NR3C2: variants seen among roughly 807,000 people sequenced by gnomAD.
NR3C2 encodes nuclear receptor subfamily 3 group C member 2.
A neutral mutation model predicts 86.4 loss-of-function variants in NR3C2; 15 were observed. That is an observed-to-expected ratio of 0.17 (90% CI 0.12 to 0.27). NR3C2 has a LOEUF of 0.27. Among genes scored for constraint, NR3C2 ranks in the 10% least tolerant of loss-of-function variants. The pLI, the probability that NR3C2 is intolerant of heterozygous loss-of-function variation, is 1.00. For synonymous variants in NR3C2, 458 were observed against 450.5 expected (o/e 1.02, Z -0.21); for missense variants, 960 against 1,195.6 (o/e 0.80, Z 2.91).
intron 8 of NR3C2, among the ~76,000 whole-genome samples, chr4:148,102,228 C>T (rs1022777848): frequency 2.0e-5 from 3 of 152,176 alleles, no homozygotes; most frequent in African/African-American, 7.2e-5. Context: ...GACCCTCTTC[C>T]GTTCTGTGCC....
rs1375693723 is a variant in NR3C2, at chr4:148,363,504, C to CTTTTTTTTTTTTTTTT, written c.1757+71599_1757+71600insAAAAAAAAAAAAAAAA. On this transcript the variant is annotated intron_variant, in intron 2 of 8. Transcript: ENST00000358102. ...ATTAAAGTCTAGACTTCTCATAGATCTCTTTTTTTTTTTTTTTGAGACGGA... is the reference window on the plus strand; with the variant it reads ...ATTAAAGTCTAGACTTCTCATAGATCTTTTTTTTTTTTTTTTTCTTTTTTTTTTTTTTTGAGACGGA... Among the ~76,000 whole-genome samples, 532 of 69,706 alleles carry CTTTTTTTTTTTTTTTT rather than the reference C, an allele frequency of 7.6e-3. 119 individuals are homozygous for CTTTTTTTTTTTTTTTT. The highest frequency in any genetic ancestry group is 9.7e-3 in the Non-Finnish European group (384 of 39,446). The allele number at this position is 69,706 out of a possible 152,430, so 45.7% of individuals were successfully genotyped here.
intron 6 of NR3C2, among the ~76,000 whole-genome samples, chr4:148,139,030 T>A (rs1273925792): frequency 6.6e-6 from 1 of 152,236 alleles, no homozygotes; most frequent in African/African-American, 2.4e-5. Context: ...GATCTTAGGC[T>A]TCTCAGCCTC....
chr4:148,374,354 C>T (rs925895262), intron 2 of NR3C2, among the ~76,000 whole-genome samples: 1 of 152,134 alleles, frequency 6.6e-6, no homozygotes, highest in Non-Finnish European at 1.5e-5. Context: ...CTAGACTCTT[C>T]ACATTGGAAG....
intron 4 of NR3C2, among the ~76,000 whole-genome samples, chr4:148,156,984 G>T (rs575190240): frequency 1.3e-5 from 2 of 151,988 alleles, no homozygotes; most frequent in African/African-American, 4.8e-5. Flanking sequence ...CATAAAAAAG[G>T]ATGAGTTCAT....
At chr4:148,429,022 C>A (rs932343762) in intron 2 of NR3C2, among the ~76,000 whole-genome samples, 1 of 152,174 alleles carries the variant, frequency 6.6e-6, no homozygotes, top group East Asian at 1.9e-4. Context: ...CAGCCCACCA[C>A]GCGGCTCAAC....
intron 2 of NR3C2, among the ~76,000 whole-genome samples, chr4:148,364,480 A>T (rs1278987873): frequency 6.6e-6 from 1 of 152,352 alleles, no homozygotes; most frequent in African/African-American, 2.4e-5. Context: ...GAAGTTCCCT[A>T]TAAAGAGTAA....
intron 3 of NR3C2, among the ~76,000 whole-genome samples, chr4:148,209,312 C>A (rs1737166918): frequency 6.6e-6 from 1 of 152,080 alleles, no homozygotes; most frequent in African/African-American, 2.4e-5. Flanking sequence ...GTTGCCCAGG[C>A]TGGAATGCAG....
At chr4:148,121,183 C>T (rs1403143) in intron 6 of NR3C2, among the ~76,000 whole-genome samples, 74,668 of 151,952 alleles carry the variant, frequency 0.49, 18,884 homozygotes, top group East Asian at 0.71. Context: ...AAACAGAAAA[C>T]GAGGTCTGGA....
At chr4:148,417,772 T>C (rs996328814) in intron 2 of NR3C2, among the ~76,000 whole-genome samples, 13 of 152,352 alleles carry the variant, frequency 8.5e-5, no homozygotes, top group Non-Finnish European at 1.0e-4. Context: ...AGATTTTTCA[T>C]AGCTGATTTA....
At position 148,181,616 on chromosome 4, in the gene NR3C2, G is replaced by A. The variant is rs549166477; in HGVS notation, c.2014+13130C>T. 3.3e-4 allele frequency among the ~76,000 whole-genome samples: 50 copies of A among 152,288 alleles called. 1 individual carries two copies. The highest frequency in any genetic ancestry group is 1.2e-3 in the African/African-American group (49 of 41,574). ...AAAAGTGAAGTGAATTAATTCCTTT[G>A]AAAAAAGCTACACAAAGCAGAAAAT... On this transcript the variant is annotated intron_variant, in intron 4 of 8. Transcript: ENST00000358102.
At chr4:148,322,142 T>C (rs1211707367) in intron 2 of NR3C2, among the ~76,000 whole-genome samples, 40 of 149,562 alleles carry the variant, frequency 2.7e-4, no homozygotes, top group Admixed American at 2.0e-4. Context: ...TTATGAAGCT[T>C]AGTTTGGCTG....
At chr4:148,357,385 A>G (rs1745599224) in intron 2 of NR3C2, among the ~76,000 whole-genome samples, 1 of 152,146 alleles carries the variant, frequency 6.6e-6, no homozygotes, top group Non-Finnish European at 1.5e-5. Flanking sequence ...CATCATTATC[A>G]TCCTCTGTAG....
At chr4:148,136,600 A>G (rs1272623128) in intron 6 of NR3C2, among the ~76,000 whole-genome samples, 1 of 151,932 alleles carries the variant, frequency 6.6e-6, no homozygotes, top group Non-Finnish European at 1.5e-5. Context: ...TTCAAGCTAC[A>G]CAGTTTTGCC....
chr4:148,160,875 G>T (rs754945077), intron 4 of NR3C2, among the ~76,000 whole-genome samples: 70 of 152,158 alleles, frequency 4.6e-4, no homozygotes, highest in Non-Finnish European at 8.7e-4. Flanking sequence ...AACCCTAATT[G>T]TTCTTTCCTC....
At chr4:148,392,481 T>C (rs996859482) in intron 2 of NR3C2, among the ~76,000 whole-genome samples, 3 of 152,214 alleles carry the variant, frequency 2.0e-5, no homozygotes, top group African/African-American at 7.2e-5. Flanking sequence ...TCTTAGGGCA[T>C]TTGCACTGCA....
chr4:148,249,124 A>T (rs533564454), intron 3 of NR3C2, among the ~76,000 whole-genome samples: 1 of 152,346 alleles, frequency 6.6e-6, no homozygotes, highest in South Asian at 2.1e-4. Flanking sequence ...AAACTCTCAA[A>T]GCAAGGGTTC....
At chr4:148,430,946 T>A (rs1252547041) in intron 2 of NR3C2, among the ~76,000 whole-genome samples, 2 of 152,180 alleles carry the variant, frequency 1.3e-5, no homozygotes, top group Non-Finnish European at 2.9e-5. Flanking sequence ...AAATCCTAAT[T>A]ACTGTTCTTG....
At chr4:148,342,024 C>T (rs1292201826) in intron 2 of NR3C2, among the ~76,000 whole-genome samples, 1 of 152,098 alleles carries the variant, frequency 6.6e-6, no homozygotes, top group Non-Finnish European at 1.5e-5. Flanking sequence ...TCTTCTGCTG[C>T]CCTCTTCTGA....
intron 2 of NR3C2, among the ~76,000 whole-genome samples, chr4:148,431,540 A>T (rs866012329): frequency 6.6e-6 from 1 of 152,160 alleles, no homozygotes; most frequent in Non-Finnish European, 1.5e-5. Context: ...TCCGGCGTCC[A>T]TTCTAAGGGC....
Sources: gnomAD v4.1 joint callset for allele counts (sites outside exome capture counted in the v4.1 genomes callset) on GRCh38, gnomAD v4.1.1 for gene constraint, MANE v1.5 for transcripts, NCBI Gene and HGNC (gene_info 2026-07-23, HGNC 2026-07-21) for gene names.